CLTCL1: variants seen among roughly 807,000 people sequenced by gnomAD.
CLTCL1 encodes the protein clathrin heavy chain like 1.
In CLTCL1, 159 loss-of-function variants were observed where a neutral mutation model predicts 190.0. That is an observed-to-expected ratio of 0.84 (90% CI 0.74 to 0.95). The LOEUF (loss-of-function observed/expected upper bound fraction) is 0.95, where lower values mean the gene tolerates loss of function less well. CLTCL1 is among the 40% of genes least tolerant of loss of function. The pLI is 0.00. For synonymous variants in CLTCL1, 752 were observed against 769.6 expected (o/e 0.98, Z 0.38); for missense variants, 1,878 against 2,033.4 (o/e 0.92, Z 1.47).
chr22:19,183,602 G>A lies in CLTCL1; in HGVS notation c.4615C>T (p.Gln1539Ter). ...KKDHLYKDAM[Q>*]HAAESRDAEL... is the part of the protein sequence containing the mutation. The stretch of plus-strand genomic sequence containing the variant: ...GCATCCCGCGACTCTGCAGCATGCT[G>A]CATGGCATCCTGCAGCCAAGGCAAA... The change falls in exon 30 of 33, where the codon CAG becomes TAG. Residue 1539 changes from glutamine to a stop codon, truncating the protein, a stop_gained. Coordinates refer to ENST00000427926, the MANE Select transcript of CLTCL1 (RefSeq NM_007098.4). LOFTEE classifies it high-confidence loss of function. 3 of 1,613,452 alleles carry A rather than the reference G, an allele frequency of 1.9e-6. No homozygotes were observed. Among genetic ancestry groups the A allele is most frequent in the South Asian group, 1.1e-5 (1 of 91,080 alleles).
Position 19,223,880 on chromosome 22 carries a change from C to T in CLTCL1, c.2292+11G>A. On this transcript the variant is annotated intron_variant, in intron 14 of 32. Coordinates refer to ENST00000427926, the MANE Select transcript of CLTCL1 (RefSeq NM_007098.4). ...GGGCAGCTCATGGAAGGAGGCAGCA[C>T]TGGAACACACCTTCAGGAAGTTCTT... 6.2e-7 allele frequency: 1 copy of T among 1,613,134 alleles called. No individual in the cohort carries two copies.
chr22:19,196,837 T>C (rs2084725340), intron 24 of CLTCL1, among the ~76,000 whole-genome samples, 181 bp from the exon 25 acceptor site: 2 of 152,224 alleles, frequency 1.3e-5, no homozygotes, highest in African/African-American at 4.8e-5. Flanking sequence ...TAGCAACTTA[T>C]TGGATCATCT....
chr22:19,185,288 A>T (rs2084275818), intron 29 of CLTCL1, among the ~76,000 whole-genome samples: 1 of 151,364 alleles, frequency 6.6e-6, no homozygotes, highest in Admixed American at 6.6e-5. Context: ...TTCCTGGCTG[A>T]CAGCCACTGT....
At position 19,209,051 on chromosome 22, in the gene CLTCL1, G is replaced by A. The variant is rs369687427; in HGVS notation, c.3313C>T (p.Pro1105Ser). The change falls in exon 21 of 33, where the codon CCT becomes TCT. Residue 1105 changes from proline (P) to serine (S), a missense_variant. Transcript: ENST00000427926. ...TGGGCCAGCTGACTCCACACAGCAGGCTCATTGCATCTCTCCGCAAACTCA... is the reference window on the plus strand; with the variant it reads ...TGGGCCAGCTGACTCCACACAGCAGACTCATTGCATCTCTCCGCAAACTCA... The part of the protein sequence containing the change: ...AYEFAERCNE[P>S]AVWSQLAQAQ... The A allele has an allele frequency of 2.5e-6, 4 of 1,610,458 alleles. No homozygotes were observed. The South Asian group carries it at 3.3e-5, about 13-fold the overall frequency.
At chr22:19,241,154 C>T (rs1225483288) in intron 4 of CLTCL1, among the ~76,000 whole-genome samples, 1 of 152,248 alleles carries the variant, frequency 6.6e-6, no homozygotes, top group Non-Finnish European at 1.5e-5. Context: ...GGTCCATCTC[C>T]AGCTCGGCTG....
chr22:19,216,247 T>C lies in CLTCL1; in HGVS notation c.2929A>G (p.Thr977Ala). The change falls in exon 19 of 33, where the codon ACA becomes GCA. Residue 977 changes from threonine to alanine, a missense_variant. Coordinates refer to ENST00000427926, the MANE Select transcript of CLTCL1 (RefSeq NM_007098.4). ...RRQLIDQVVQ[T>A]ALSETRDPEE... The stretch of plus-strand genomic sequence containing the variant: ...GGATCCCGTGTTTCTGACAATGCTG[T>C]CTGTACCACCTGGTTTTAAAAAGCA... The C allele has an allele frequency of 1.2e-6, 2 of 1,613,892 alleles. No individual in the cohort carries two copies. Among genetic ancestry groups the C allele is most frequent in the Non-Finnish European group, 1.7e-6 (2 of 1,179,846 alleles).
At chr22:19,246,897 C>T (rs2086436955) in intron 3 of CLTCL1, among the ~76,000 whole-genome samples, 1 of 152,114 alleles carries the variant, frequency 6.6e-6, no homozygotes, top group South Asian at 2.1e-4. Context: ...TATCTGGATA[C>T]TAGACCCTTA....
rs1555926701 is a variant in CLTCL1 at position 19,183,411 on chromosome 22, C to T, written c.4806G>A (p.Val1602=). Residue 1602 remains valine, a synonymous_variant, in exon 30 of 33, where the codon GTG becomes GTA. Coordinates refer to ENST00000427926, the MANE Select transcript of CLTCL1 (RefSeq NM_007098.4). ...VDLAMPYFIQ[V]MREYLSKVDK... ...CTACCTTGCTCAGGTACTCCCTCAT[C>T]ACCTGGATGAAGTAGGGCATGGCCA... The T allele has an allele frequency of 2.5e-6, 4 of 1,613,438 alleles. No individual in the cohort carries two copies. The highest frequency in any genetic ancestry group is 3.4e-6 in the Non-Finnish European group (4 of 1,179,854).
chr22:19,180,728 T>G lies in CLTCL1; in HGVS notation c.4903+3A>C. 6.2e-7 allele frequency: 1 copy of G among 1,613,576 alleles called. No homozygotes were observed. The highest frequency in any genetic ancestry group is 8.5e-7 in the Non-Finnish European group (1 of 1,179,692). ...GGGGTTGGGGGCTACAGGTGCCACC[T>G]ACCAAACACGAGAGGGGCAGGCTCT... On this transcript the variant is annotated splice_donor_region_variant and intron_variant, in intron 31 of 32. Coordinates refer to ENST00000427926, the MANE Select transcript of CLTCL1 (RefSeq NM_007098.4).
chr22:19,255,478 G>A lies in CLTCL1; in HGVS notation c.251-1251C>T, dbSNP rs149179335. On this transcript the variant is annotated intron_variant, in intron 2 of 32. Coordinates refer to ENST00000427926, the MANE Select transcript of CLTCL1 (RefSeq NM_007098.4). Reference sequence around the variant, plus strand: ...CTTGAGAGGCTGAGGCAGGAGAATCGCTTGAACCCAGGAGGCAGAGGTTGC... The same window carrying A: ...CTTGAGAGGCTGAGGCAGGAGAATCACTTGAACCCAGGAGGCAGAGGTTGC... Among the ~76,000 whole-genome samples the A allele has an allele frequency of 6.9e-3, 1,054 of 152,000 alleles. 12 individuals are homozygous for A. The highest frequency in any genetic ancestry group is 0.023 in the African/African-American group (960 of 41,434).
intron 2 of CLTCL1, chr22:19,258,707 C>A: frequency 1.5e-6 from 1 of 683,744 alleles, no homozygotes; most frequent in Non-Finnish European, 2.7e-6. Flanking sequence ...CCCTAGACAG[C>A]AGCAACTCCA....
chr22:19,243,783 C>T (rs1209090116), intron 3 of CLTCL1, among the ~76,000 whole-genome samples: 5 of 138,454 alleles, frequency 3.6e-5, no homozygotes, highest in East Asian at 2.1e-4. Flanking sequence ...CTGCAAGCTT[C>T]GCCTCCTGGG....
At chr22:19,185,781 T>C (rs1305996320) in intron 29 of CLTCL1, among the ~76,000 whole-genome samples, 1 of 152,204 alleles carries the variant, frequency 6.6e-6, no homozygotes, top group Non-Finnish European at 1.5e-5. Flanking sequence ...AGGCTGTGTG[T>C]TTAAGCCCCT....
chr22:19,183,332 G>A lies in CLTCL1; in HGVS notation c.4827+58C>T. The A allele has an allele frequency of 2.0e-6, 3 of 1,480,020 alleles. No homozygotes were observed. In the East Asian group the frequency reaches 7.1e-5, roughly 35 times the overall value. The allele number at this position is 1,480,020 out of a possible 1,614,324, so 91.7% of individuals were successfully genotyped here. A position where few individuals can be genotyped will look rare whatever the true frequency, so the allele number is the denominator to read the frequency against. On this transcript the variant is annotated intron_variant, in intron 30 of 32. Coordinates refer to ENST00000427926, the MANE Select transcript of CLTCL1 (RefSeq NM_007098.4). Reference sequence around the variant, plus strand: ...CTTAAGACCTGCGGCCAGAGTCACTGCCAGGGTTGGGTCATGCCACACAGG... The same window carrying A: ...CTTAAGACCTGCGGCCAGAGTCACTACCAGGGTTGGGTCATGCCACACAGG...
chr22:19,183,680 C>T (rs782316084), intron 29 of CLTCL1, 69 bp from the exon 30 acceptor site: 73 of 1,512,814 alleles, frequency 4.8e-5, no homozygotes, highest in Non-Finnish European at 5.8e-5. Flanking sequence ...GCAGCTGGGC[C>T]GGAGGGCAGG....
intron 2 of CLTCL1, among the ~76,000 whole-genome samples, chr22:19,268,709 T>G (rs191082326): frequency 6.6e-6 from 1 of 152,286 alleles, no homozygotes; most frequent in East Asian, 1.9e-4. Flanking sequence ...AGTGTTGGCA[T>G]GGATGTGTGG....
chr22:19,284,013 T>C (rs1299891095), intron 1 of CLTCL1, among the ~76,000 whole-genome samples: 1 of 141,976 alleles, frequency 7.0e-6, no homozygotes, highest in Non-Finnish European at 1.5e-5. Flanking sequence ...AAAAAAAAAA[T>C]CTGACACTGG....
At chr22:19,215,789 T>A (rs183802528) in intron 19 of CLTCL1, among the ~76,000 whole-genome samples, 1 of 152,280 alleles carries the variant, frequency 6.6e-6, no homozygotes, top group East Asian at 1.9e-4. Context: ...GTTCAACACA[T>A]CCTTAGGCCA....
At chr22:19,258,782 C>A (rs907972817) in intron 2 of CLTCL1, 5 of 687,840 alleles carry the variant, frequency 7.3e-6, no homozygotes, top group East Asian at 2.8e-5. Context: ...TTGAGACCAA[C>A]GACACCAAAG....
Sources: gnomAD v4.1 joint callset for allele counts (sites outside exome capture counted in the v4.1 genomes callset) on GRCh38, gnomAD v4.1.1 for gene constraint, MANE v1.5 for transcripts, NCBI Gene and HGNC (gene_info 2026-07-23, HGNC 2026-07-21) for gene names.